TMEM245: variants seen among roughly 807,000 people sequenced by gnomAD.
TMEM245 encodes transmembrane protein 245.
TMEM245 carries 69 observed loss-of-function variants against 101.2 expected under a neutral mutation model. The observed-to-expected ratio is 0.68, with a 90% CI of 0.56 to 0.83. The LOEUF is 0.83. Among genes scored for constraint, TMEM245 ranks in the 40% least tolerant of loss-of-function variants. The probability of loss-of-function intolerance (pLI) is 0.00; values close to 1 mark genes in which losing one functional copy is unlikely to be tolerated. For missense variants in TMEM245, 1,075 were observed against 1,092.8 expected (o/e 0.98, Z 0.23); for synonymous variants, 537 against 449.8 (o/e 1.19, Z -2.45).
chr9:109,063,153 T>C (rs955220468), intron 10 of TMEM245, among the ~76,000 whole-genome samples: 5 of 151,996 alleles, frequency 3.3e-5, no homozygotes, highest in African/African-American at 1.2e-4. Flanking sequence ...ATGGAGTTTC[T>C]CCGTCTCTGA....
Position 109,050,669 on chromosome 9 carries a change from A to G in TMEM245, c.1878T>C (p.Val626=), listed in dbSNP as rs1828649853. 4 of 1,613,018 alleles carry G rather than the reference A, an allele frequency of 2.5e-6. No homozygotes were observed. In the African/African-American group the frequency reaches 5.4e-5, roughly 22 times the overall value. Residue 626 remains valine (V), a synonymous_variant, in exon 13 of 18, where the codon GTT becomes GTC. Transcript: ENST00000374586. ...FLSILESLWI[V]MSRNVSLLFT... ...ACAGCAGGCTCACATTCCGGCTCAT[A>G]ACGATCCACAGAGACTCCAAGATCT...
intron 14 of TMEM245, among the ~76,000 whole-genome samples, chr9:109,048,958 A>G (rs1828587435): frequency 6.6e-6 from 1 of 152,256 alleles, no homozygotes; most frequent in Admixed American, 6.5e-5. Flanking sequence ...CAGAGGGCAC[A>G]GCTTGGCTGT....
chr9:109,035,881 T>G (rs1828102922), intron 16 of TMEM245: 1 of 161,618 alleles, frequency 6.2e-6, no homozygotes, highest in Admixed American at 7.1e-5. Context: ...GGTTCAAGGC[T>G]GCCATGAGCC....
intron 14 of TMEM245, chr9:109,038,905 A>G (rs1435023936): frequency 6.6e-6 from 1 of 152,316 alleles, no homozygotes; most frequent in Non-Finnish European, 1.5e-5. Context: ...AACTGTTCAG[A>G]GAGCACAAAG....
chr9:109,028,454 CA>C (rs3060541), intron 17 of TMEM245, among the ~76,000 whole-genome samples: 59,987 of 137,662 alleles, frequency 0.44, 12,656 homozygotes, highest in South Asian at 0.59. Context: ...CACTCCATCT[CA>C]AAAAAAAAAA....
At chr9:109,072,074 T>C (rs1055257879) in intron 9 of TMEM245, among the ~76,000 whole-genome samples, 3 of 152,162 alleles carry the variant, frequency 2.0e-5, no homozygotes, top group African/African-American at 7.2e-5. Context: ...TACCAAAGTG[T>C]TGGGAAAAGG....
chr9:109,082,632 A>T (rs1829699929), intron 7 of TMEM245, among the ~76,000 whole-genome samples: 1 of 140,124 alleles, frequency 7.1e-6, no homozygotes. Flanking sequence ...CAATTTCTGA[A>T]AATAATGTAG....
chr9:109,082,151 T>C (rs1829684478), intron 7 of TMEM245, among the ~76,000 whole-genome samples: 1 of 152,218 alleles, frequency 6.6e-6, no homozygotes, highest in Non-Finnish European at 1.5e-5. Flanking sequence ...GCATTTACTT[T>C]CACTTGACGT....
chr9:109,112,204 G>C (rs1317067968), intron 1 of TMEM245, among the ~76,000 whole-genome samples: 1 of 152,030 alleles, frequency 6.6e-6, no homozygotes, highest in Admixed American at 6.6e-5. Flanking sequence ...AAAAGGCATG[G>C]TGGGGGAGGG....
chr9:109,048,333 T>A (rs1357822949), intron 14 of TMEM245, among the ~76,000 whole-genome samples: 1 of 152,068 alleles, frequency 6.6e-6, no homozygotes, highest in African/African-American at 2.4e-5. Context: ...CCTGTTTGAA[T>A]GTAACTGAAG....
intron 4 of TMEM245, 74 bp downstream of exon 4, chr9:109,093,401 G>A (rs1588069644): frequency 1.6e-6 from 2 of 1,218,848 alleles, no homozygotes; most frequent in East Asian, 4.7e-5. Context: ...TGTGATGCTG[G>A]TGTCCTGAAT....
At chr9:109,021,000 A>G (rs1171056787) in intron 17 of TMEM245, among the ~76,000 whole-genome samples, 1 of 152,242 alleles carries the variant, frequency 6.6e-6, no homozygotes, top group East Asian at 1.9e-4. Context: ...GTGCAGGAAA[A>G]ATGGGTTAGG....
chr9:109,093,516 T>C lies in TMEM245; in HGVS notation c.875A>G (p.Tyr292Cys), dbSNP rs1564203004. 1.9e-6 allele frequency: 3 copies of C among 1,614,156 alleles called. No individual in the cohort carries two copies. ...GGGCTGGTCTTCACTGCTTGATTCATACCCTGTGATAGAGATGGCCAAGTT... is the reference window on the plus strand; with the variant it reads ...GGGCTGGTCTTCACTGCTTGATTCACACCCTGTGATAGAGATGGCCAAGTT... ...LANLAISITG[Y>C]ESSSEDQPST... Residue 292 changes from tyrosine (Y) to cysteine (C), a missense_variant, in exon 4 of 18, where the codon TAT (tyrosine) becomes TGT (cysteine). Physicochemically the swap from Tyr to Cys is radical, Grantham distance 194. Around this residue, in one of 2 missense-constraint regions of TMEM245, gnomAD observed 808 missense variants for 741.5 expected, o/e 1.09. Coordinates refer to ENST00000374586, the MANE Select transcript of TMEM245 (RefSeq NM_032012.4).
At chr9:109,054,054 G>C (rs1356154732) in intron 12 of TMEM245, among the ~76,000 whole-genome samples, 2 of 152,116 alleles carry the variant, frequency 1.3e-5, no homozygotes, top group Non-Finnish European at 2.9e-5. Context: ...TTATTGGCTG[G>C]GCATGGTGGC....
At chr9:109,052,610 C>T (rs1394747994) in intron 12 of TMEM245, among the ~76,000 whole-genome samples, 1 of 152,222 alleles carries the variant, frequency 6.6e-6, no homozygotes, top group African/African-American at 2.4e-5. Context: ...AGGCTGGTTT[C>T]ATTTACAAAA....
intron 8 of TMEM245, among the ~76,000 whole-genome samples, chr9:109,075,034 G>C (rs1564193127): frequency 6.6e-6 from 1 of 152,202 alleles, no homozygotes; most frequent in Non-Finnish European, 1.5e-5. Context: ...ATCTTACTTA[G>C]ATGTTTAAAG....
intron 12 of TMEM245, among the ~76,000 whole-genome samples, chr9:109,055,033 G>A (rs1828790452): frequency 6.6e-6 from 1 of 152,140 alleles, no homozygotes; most frequent in Admixed American, 6.5e-5. Context: ...GGGATTACAT[G>A]GCAAAACTGT....
At chr9:109,025,731 G>A (rs140417065) in intron 17 of TMEM245, among the ~76,000 whole-genome samples, 74 of 149,764 alleles carry the variant, frequency 4.9e-4, no homozygotes, top group African/African-American at 1.8e-3. Context: ...CATGACTACA[G>A]GGGTGTTTTT....
chr9:109,071,657 G>A (rs944426420), intron 9 of TMEM245, among the ~76,000 whole-genome samples: 1 of 151,664 alleles, frequency 6.6e-6, no homozygotes, highest in Non-Finnish European at 1.5e-5. Flanking sequence ...GTCCTAGGCA[G>A]GTTTTATATA....
Sources: gnomAD v4.1 joint callset for allele counts (sites outside exome capture counted in the v4.1 genomes callset) on GRCh38, gnomAD v4.1.1 for gene constraint, gnomAD v4.1.1 regional missense constraint, MANE v1.5 for transcripts, NCBI Gene and HGNC (gene_info 2026-07-23, HGNC 2026-07-21) for gene names.